Variants in ASTN2 observed in about 807,000 individuals in gnomAD.
ASTN2 encodes astrotactin-2.
Under a neutral mutation model 139.8 loss-of-function variants are expected in ASTN2, and 54 were observed. That is an observed-to-expected ratio of 0.39 (90% CI 0.31 to 0.48). The LOEUF (loss-of-function observed/expected upper bound fraction) is 0.48. Among genes scored for constraint, ASTN2 ranks in the 20% least tolerant of loss-of-function variants. ASTN2 has a pLI of 0.95. For missense variants in ASTN2, 1,565 were observed against 1,725.1 expected (o/e 0.91, Z 1.64); for synonymous variants, 756 against 719.5 (o/e 1.05, Z -0.81).
At chr9:116,436,037 T>C (rs1457478191) in intron 22 of ASTN2, among the ~76,000 whole-genome samples, 1 of 152,166 alleles carries the variant, frequency 6.6e-6, no homozygotes. Flanking sequence ...GGCTGACCAG[T>C]CTTTTCCGCA....
At chr9:116,993,382 T>C (rs1836914515) in intron 7 of ASTN2, among the ~76,000 whole-genome samples, 1 of 152,052 alleles carries the variant, frequency 6.6e-6, no homozygotes. Flanking sequence ...ACCTTTTCGG[T>C]TGTGCCTGTC....
intron 2 of ASTN2, among the ~76,000 whole-genome samples, chr9:117,228,361 AC>A (rs1172350149): frequency 1.3e-5 from 2 of 151,962 alleles, no homozygotes; most frequent in African/African-American, 4.8e-5. Flanking sequence ...CTTTTTCAAA[AC>A]CTATTACAAG....
intron 16 of ASTN2, among the ~76,000 whole-genome samples, chr9:116,695,278 A>T (rs1487858785): frequency 3.3e-5 from 5 of 152,218 alleles, no homozygotes; most frequent in Non-Finnish European, 5.9e-5. Flanking sequence ...TCATAGTGTC[A>T]TCATGAAGAT....
intron 1 of ASTN2, among the ~76,000 whole-genome samples, chr9:117,366,577 C>T (rs1262431211): frequency 3.3e-5 from 5 of 152,084 alleles, no homozygotes; most frequent in Admixed American, 6.6e-5. Context: ...TCTGAGAACA[C>T]AGGAATGAGC....
intron 19 of ASTN2, among the ~76,000 whole-genome samples, chr9:116,601,441 ACT>A (rs1854893986): frequency 6.6e-6 from 1 of 152,150 alleles, no homozygotes; most frequent in Non-Finnish European, 1.5e-5. Flanking sequence ...TTAACAGGTA[ACT>A]CTGGCTTTAG....
At position 116,699,704 on chromosome 9, in the gene ASTN2, G is replaced by A; in HGVS notation, c.2806+26067C>T. 1.2e-6 allele frequency: 2 copies of A among 1,614,192 alleles called. No individual in the cohort carries two copies. Among genetic ancestry groups the A allele is most frequent in the East Asian group, 4.5e-5 (2 of 44,876 alleles). ...ATCTGAGAAGATATTCCACCCCATA[G>A]GGGATGAGAAATTATCAGTTTCTTC... On this transcript the variant is annotated intron_variant, in intron 16 of 22. Transcript: ENST00000313400. This position sits in a 1 kb window ranked among gnomAD's most constrained non-coding sequence, Gnocchi z 4.2.
intron 3 of ASTN2, among the ~76,000 whole-genome samples, chr9:117,159,245 GT>G (rs1010601299): frequency 6.6e-6 from 1 of 151,864 alleles, no homozygotes; most frequent in East Asian, 1.9e-4. Flanking sequence ...TTTCTGAACA[GT>G]TTTTTTAAAA....
chr9:116,861,956 C>T (rs1283740716), intron 11 of ASTN2, among the ~76,000 whole-genome samples: 2 of 145,064 alleles, frequency 1.4e-5, no homozygotes, highest in Non-Finnish European at 3.0e-5. Context: ...CCACTTAAGC[C>T]AATGCATTTC....
chr9:116,831,360 A>T (rs1447929091), intron 11 of ASTN2, among the ~76,000 whole-genome samples: 1 of 152,158 alleles, frequency 6.6e-6, no homozygotes, highest in African/African-American at 2.4e-5. Flanking sequence ...TATAAAAATA[A>T]AAATATAAAT....
intron 5 of ASTN2, among the ~76,000 whole-genome samples, chr9:117,067,055 G>T (rs1331732425): frequency 2.4e-5 from 2 of 83,874 alleles, no homozygotes; most frequent in African/African-American, 4.3e-5. Flanking sequence ...CATTGCTTTT[G>T]GTGTTTTAGA....
intron 10 of ASTN2, among the ~76,000 whole-genome samples, chr9:116,879,545 T>C (rs575354905): frequency 6.6e-6 from 1 of 152,308 alleles, no homozygotes; most frequent in Non-Finnish European, 1.5e-5. Flanking sequence ...TAGATTATAA[T>C]ACCGAATTCT....
At chr9:116,797,279 AGTG>A (rs1218986547) in intron 13 of ASTN2, among the ~76,000 whole-genome samples, 2 of 152,200 alleles carry the variant, frequency 1.3e-5, no homozygotes, top group Non-Finnish European at 1.5e-5. Flanking sequence ...ACTTTAATAA[AGTG>A]GTTTGAAAAA....
intron 20 of ASTN2, among the ~76,000 whole-genome samples, chr9:116,486,236 A>T (rs554761167): frequency 5.9e-5 from 9 of 152,262 alleles, no homozygotes; most frequent in Non-Finnish European, 1.3e-4. Flanking sequence ...AGTCTCATTC[A>T]TATCCACAGT....
intron 1 of ASTN2, among the ~76,000 whole-genome samples, chr9:117,294,678 A>G (rs1326951375): frequency 1.3e-5 from 2 of 152,196 alleles, no homozygotes; most frequent in East Asian, 3.9e-4. Flanking sequence ...GTTACTGTCC[A>G]TACACATACA....
At chr9:117,278,446 T>C (rs1277645922) in intron 2 of ASTN2, among the ~76,000 whole-genome samples, 1 of 152,170 alleles carries the variant, frequency 6.6e-6, no homozygotes, top group African/African-American at 2.4e-5. Flanking sequence ...AAAATATTGA[T>C]TCTACTTGAC....
intron 11 of ASTN2, among the ~76,000 whole-genome samples, chr9:116,843,340 T>G (rs1832322902): frequency 1.3e-5 from 2 of 152,134 alleles, no homozygotes; most frequent in South Asian, 4.1e-4. Flanking sequence ...AAGAGAAAAC[T>G]AAATACCGCA....
rs150118960 is a variant in ASTN2, at chr9:116,548,405, C to T, written c.3356-60905G>A. Among the ~76,000 whole-genome samples the T allele has an allele frequency of 6.5e-3, 994 of 152,300 alleles. 15 individuals carry two copies. The highest frequency in any genetic ancestry group is 0.022 in the African/African-American group (927 of 41,560). Reference sequence around the variant, plus strand: ...TCTCTCTACCTTTACTAAACGGCAGCTGCTTCTATGTCAGTAATTCTTTAC... The same window carrying T: ...TCTCTCTACCTTTACTAAACGGCAGTTGCTTCTATGTCAGTAATTCTTTAC... On this transcript the variant is annotated intron_variant, in intron 19 of 22. Coordinates refer to ENST00000313400, the MANE Select transcript of ASTN2 (RefSeq NM_001365068.1).
At chr9:116,741,210 G>C (rs1829089677) in intron 13 of ASTN2, among the ~76,000 whole-genome samples, 1 of 152,248 alleles carries the variant, frequency 6.6e-6, no homozygotes, top group Non-Finnish European at 1.5e-5. Context: ...GCATGCAAGA[G>C]CCATCACCCC....
intron 7 of ASTN2, among the ~76,000 whole-genome samples, chr9:116,979,703 G>GTTAC (rs1033210107): frequency 6.6e-5 from 10 of 152,240 alleles, no homozygotes; most frequent in African/African-American, 2.4e-4. Context: ...AGGTAAAATG[G>GTTAC]TTACCTCTGG....
Sources: allele counts gnomAD v4.1 joint callset (sites outside exome capture counted in the v4.1 genomes callset), GRCh38; gene constraint gnomAD v4.1.1; non-coding constraint Gnocchi (gnomAD v3.1); transcripts MANE v1.5; gene names NCBI Gene and HGNC (gene_info 2026-07-23, HGNC 2026-07-21).